Variants in TAFA5 observed in about 807,000 individuals in gnomAD.
TAFA5 encodes TAFA chemokine like family member 5, also known as chemokine-like protein TAFA-5.
A neutral mutation model predicts 15.3 loss-of-function variants in TAFA5; 6 were observed. The observed-to-expected ratio is 0.39, with a 90% CI of 0.21 to 0.77. The LOEUF (loss-of-function observed/expected upper bound fraction) is 0.77. Ranked by LOEUF, TAFA5 falls within the 30% of genes least tolerant of loss-of-function variation. The pLI, the probability that TAFA5 is intolerant of heterozygous loss-of-function variation, is 0.41. For synonymous variants in TAFA5, 103 were observed against 80.7 expected (o/e 1.28, Z -1.48); for missense variants, 161 against 193.1 (o/e 0.83, Z 0.98).
rs907296623 is a variant in TAFA5, at chr22:48,598,022, G to A, written c.113-48575G>A. Among the ~76,000 whole-genome samples, 3 of 152,206 alleles carry A rather than the reference G, an allele frequency of 2.0e-5. No homozygotes were observed. The highest frequency in any genetic ancestry group is 6.5e-5 in the Admixed American group (1 of 15,278). On this transcript the variant is annotated intron_variant, in intron 1 of 3. Coordinates refer to ENST00000402357, the MANE Select transcript of TAFA5 (RefSeq NM_001082967.3). The surrounding 1 kb of genome is among the most constrained non-coding windows in gnomAD (Gnocchi z 4.0). ...GGAACCAATGGGACTTCGAGAGAGC[G>A]AGAGGGAGCGAGGTTTCCCTTTTTA...
At chr22:48,651,331 G>A (rs570737784) in intron 2 of TAFA5, among the ~76,000 whole-genome samples, 20 of 152,358 alleles carry the variant, frequency 1.3e-4, no homozygotes, top group East Asian at 3.9e-4. Flanking sequence ...TGTCAGGGCC[G>A]CAGTGGCCAC....
intron 1 of TAFA5, among the ~76,000 whole-genome samples, chr22:48,606,935 C>T (rs542061971): frequency 3.9e-5 from 6 of 152,328 alleles, no homozygotes; most frequent in East Asian, 3.9e-4. Flanking sequence ...GTCCAGGTTT[C>T]GCTTCCACTC....
intron 2 of TAFA5, among the ~76,000 whole-genome samples, chr22:48,682,909 G>A (rs1437488304): frequency 2.0e-5 from 3 of 152,156 alleles, no homozygotes; most frequent in African/African-American, 4.8e-5. Flanking sequence ...CACGCGTGGA[G>A]TCCCCTGGCA....
chr22:48,510,284 G>A (rs764724898), intron 1 of TAFA5, among the ~76,000 whole-genome samples: 5 of 152,120 alleles, frequency 3.3e-5, no homozygotes, highest in Non-Finnish European at 7.4e-5. Flanking sequence ...GAATATTTGC[G>A]GGTTCTTCCT....
chr22:48,664,206 C>A (rs115026745), intron 2 of TAFA5, among the ~76,000 whole-genome samples: 1,801 of 152,270 alleles, frequency 0.012, 39 homozygotes, highest in African/African-American at 0.042. Context: ...GTACTCTCTG[C>A]CGTTCCAGTC....
At chr22:48,517,634 G>C (rs1427651115) in intron 1 of TAFA5, among the ~76,000 whole-genome samples, 1 of 152,154 alleles carries the variant, frequency 6.6e-6, no homozygotes, top group Non-Finnish European at 1.5e-5. Flanking sequence ...CGGGCCCTGG[G>C]CCACCAGAGG....
chr22:48,660,030 G>T (rs867472274), intron 2 of TAFA5, among the ~76,000 whole-genome samples: 2 of 152,288 alleles, frequency 1.3e-5, no homozygotes, highest in South Asian at 4.1e-4. Flanking sequence ...GGCGGGGACG[G>T]CTCTGGGCCA....
intron 3 of TAFA5, among the ~76,000 whole-genome samples, chr22:48,735,185 C>G (rs979116559): frequency 1.3e-5 from 2 of 152,200 alleles, no homozygotes; most frequent in East Asian, 3.9e-4. Flanking sequence ...AGACCACCCA[C>G]GAGCCACAGA....
At chr22:48,545,918 G>T (rs16999364) in intron 1 of TAFA5, among the ~76,000 whole-genome samples, 5,919 of 152,202 alleles carry the variant, frequency 0.039, 336 homozygotes, top group East Asian at 0.24. Context: ...CTATAACTTG[G>T]CTGGGTTCTG....
chr22:48,607,810 AAAAC>A (rs1925250046), intron 1 of TAFA5, among the ~76,000 whole-genome samples: 1 of 152,142 alleles, frequency 6.6e-6, no homozygotes, highest in East Asian at 1.9e-4. Context: ...AAAAAAAACA[AAAAC>A]AAAAAACTCA....
chr22:48,685,531 A>G (rs1031750833), intron 2 of TAFA5, among the ~76,000 whole-genome samples: 5 of 152,158 alleles, frequency 3.3e-5, no homozygotes, highest in African/African-American at 1.2e-4. Flanking sequence ...TTGGTATCTT[A>G]TTGCCACAAA....
At chr22:48,637,910 A>G (rs1926509554) in intron 1 of TAFA5, among the ~76,000 whole-genome samples, 1 of 152,018 alleles carries the variant, frequency 6.6e-6, no homozygotes, top group Non-Finnish European at 1.5e-5. Flanking sequence ...TTGAAAACAG[A>G]GCCGAGCACA....
chr22:48,681,325 TCTC>T (rs1484966889), intron 2 of TAFA5, among the ~76,000 whole-genome samples: 11 of 151,958 alleles, frequency 7.2e-5, no homozygotes, highest in African/African-American at 1.7e-4. Flanking sequence ...GTAGAGACGC[TCTC>T]CTCATTTCAA....
intron 2 of TAFA5, chr22:48,693,528 G>C (rs866838917): frequency 1.2e-5 from 18 of 1,446,038 alleles, no homozygotes; most frequent in Non-Finnish European, 1.7e-5. Flanking sequence ...GGTGAGGCCC[G>C]CAGGAGGGGC....
chr22:48,592,369 C>T (rs1924600326), intron 1 of TAFA5, among the ~76,000 whole-genome samples: 2 of 152,230 alleles, frequency 1.3e-5, no homozygotes, highest in African/African-American at 4.8e-5. Context: ...CTGTCTGCTG[C>T]CCTGCACGCA....
At chr22:48,629,122 C>T (rs1569054659) in intron 1 of TAFA5, among the ~76,000 whole-genome samples, 1 of 152,132 alleles carries the variant, frequency 6.6e-6, no homozygotes, top group East Asian at 1.9e-4. Flanking sequence ...TGCTCTGGGG[C>T]CCCAGCGGCT....
chr22:48,681,328 C>G (rs907711550), intron 2 of TAFA5, among the ~76,000 whole-genome samples: 1 of 152,092 alleles, frequency 6.6e-6, no homozygotes, highest in African/African-American at 2.4e-5. Context: ...GAGACGCTCT[C>G]CTCATTTCAA....
chr22:48,704,675 T>C (rs1051351122), intron 2 of TAFA5, among the ~76,000 whole-genome samples: 6 of 151,832 alleles, frequency 4.0e-5, no homozygotes, highest in African/African-American at 1.5e-4. Context: ...AGTTGCTTTT[T>C]CTCGGAGGGA....
At chr22:48,700,981 C>T (rs1205646059) in intron 2 of TAFA5, among the ~76,000 whole-genome samples, 1 of 152,190 alleles carries the variant, frequency 6.6e-6, no homozygotes, top group Non-Finnish European at 1.5e-5. Context: ...TCTCGTCCCC[C>T]AAGTTCAGGC....
Sources: allele counts gnomAD v4.1 joint callset (sites outside exome capture counted in the v4.1 genomes callset), GRCh38; gene constraint gnomAD v4.1.1; non-coding constraint Gnocchi (gnomAD v3.1); transcripts MANE v1.5; gene names NCBI Gene and HGNC (gene_info 2026-07-23, HGNC 2026-07-21).